The following IPO13 variants were observed in gnomAD, a reference collection of about 807,000 sequenced individuals.
The protein encoded by IPO13 is importin-13.
IPO13 carries 28 observed loss-of-function variants against 115.5 expected under a neutral mutation model. The ratio of observed to expected loss-of-function variants is 0.24; its 90% CI spans 0.18 to 0.33. IPO13 has a LOEUF of 0.33. Ranked by LOEUF, IPO13 falls within the 10% of genes least tolerant of loss-of-function variation. The probability of loss-of-function intolerance (pLI) is 1.00; values close to 1 mark genes in which losing one functional copy is unlikely to be tolerated. For synonymous variants in IPO13, 414 were observed against 478.9 expected, an observed-to-expected ratio of 0.86 and a Z score of 1.77; for missense variants, 785 against 1,204.6, an observed-to-expected ratio of 0.65 and a Z score of 5.16.
At chr1:43,964,389 A>G (rs1457819159) in intron 15 of IPO13, 68 bp downstream of exon 15, 2 of 1,290,946 alleles carry the variant, frequency 1.5e-6, no homozygotes, top group Non-Finnish European at 2.2e-6. Flanking sequence ...TTGAAATTCA[A>G]TTTAAGCCTA....
Position 43,964,326 on chromosome 1 carries a change from GT to G in IPO13, c.2397+9del. 6.3e-7 allele frequency: 1 copy of G among 1,591,480 alleles called. No homozygotes were observed. Among genetic ancestry groups the G allele is most frequent in the Non-Finnish European group, 8.6e-7 (1 of 1,159,992 alleles). On this transcript the variant is annotated splice_donor_region_variant and intron_variant, in intron 15 of 19. Coordinates refer to ENST00000372343, the MANE Select transcript of IPO13 (RefSeq NM_014652.4). ...TTTATGCAACTCCTGGCACAGGTGT[GT>G]TTTAGTTTTATTCATTCACGTTCTG...
chr1:43,966,875 TC>T lies in IPO13; in HGVS notation c.2524-53del. 2.5e-6 allele frequency: 4 copies of T among 1,608,996 alleles called. No homozygotes were observed. Among genetic ancestry groups the T allele is most frequent in the East Asian group, 2.2e-5 (1 of 44,846 alleles). The stretch of plus-strand genomic sequence containing the variant: ...GTAGGGCTGGGGTGTACAGGTCTTG[TC>T]CTCAGGGAGAGCTGGGAAGGAGCTG... On this transcript the variant is annotated intron_variant, in intron 17 of 19. Transcript: ENST00000372343. This position sits in a 1 kb window ranked among gnomAD's most constrained non-coding sequence, Gnocchi z 4.1.
At chr1:43,951,352 A>C (rs1245353647) in intron 2 of IPO13, among the ~76,000 whole-genome samples, 1 of 152,184 alleles carries the variant, frequency 6.6e-6, no homozygotes, top group Non-Finnish European at 1.5e-5. Context: ...AACCCAGAGG[A>C]GGCTTTCACT....
chr1:43,951,895 C>T (rs552789140), intron 2 of IPO13, among the ~76,000 whole-genome samples: 34 of 152,266 alleles, frequency 2.2e-4, no homozygotes, highest in South Asian at 6.2e-4. Flanking sequence ...TCCTAAGGCT[C>T]CGTTTCCTCA....
In IPO13 at chr1:43,958,762, A is replaced by G; in HGVS notation, c.1901A>G (p.Lys634Arg). The change falls in exon 11 of 20, where the codon AAG becomes AGG. Residue 634 changes from lysine (K) to arginine (R), a missense_variant. Lys to Arg is a conservative substitution (Grantham distance 26). This residue lies in a region of IPO13 where 175 missense variants were observed against 360.0 expected (regional missense o/e 0.49). Transcript: ENST00000372343. This position sits in a 1 kb window ranked among gnomAD's most constrained non-coding sequence, Gnocchi z 6.3. ...LAEEIPNPSN[K>R]LAIVHILGLL... Reference sequence around the variant, plus strand: ...TCCCTGCAGCCCAATCCCTCCAACAAGCTGGCCATTGTTCACATCTTGGGG... The same window carrying G: ...TCCCTGCAGCCCAATCCCTCCAACAGGCTGGCCATTGTTCACATCTTGGGG... 6.2e-7 allele frequency: 1 copy of G among 1,614,098 alleles called. No homozygotes were observed. Among genetic ancestry groups the G allele is most frequent in the Non-Finnish European group, 8.5e-7 (1 of 1,180,024 alleles).
rs2085215081 is a variant in IPO13 at position 43,952,357 on chromosome 1, A to G, written c.821+2204A>G. ...GCTAATTTTTGTATTTTTAGTAGAA[A>G]CGGGGTTTTGCCATGTTGGTCAGGC... is the stretch of plus-strand genomic sequence containing the variant. On this transcript the variant is annotated intron_variant, in intron 2 of 19. Coordinates refer to ENST00000372343, the MANE Select transcript of IPO13 (RefSeq NM_014652.4). This position sits in a 1 kb window ranked among gnomAD's most constrained non-coding sequence, Gnocchi z 4.7. 6.6e-6 allele frequency among the ~76,000 whole-genome samples: 1 copy of G among 152,080 alleles called. No homozygotes were observed.
intron 1 of IPO13, among the ~76,000 whole-genome samples, chr1:43,948,724 C>G (rs774527631): frequency 6.6e-6 from 1 of 152,228 alleles, no homozygotes; most frequent in African/African-American, 2.4e-5. Flanking sequence ...TTTCTTACTT[C>G]ATAAAGTCCC....
intron 1 of IPO13, among the ~76,000 whole-genome samples, chr1:43,948,494 T>C (rs951731077): frequency 2.6e-5 from 4 of 152,228 alleles, no homozygotes; most frequent in Non-Finnish European, 5.9e-5. Context: ...TAACAAACAA[T>C]GAGGATGCAT....
rs753207880 is a variant in IPO13 at position 43,949,582 on chromosome 1, A to G, written c.250A>G (p.Ile84Val). Residue 84 changes from isoleucine to valine, a missense_variant, in exon 2 of 20, where the codon ATC becomes GTC. Ile to Val is a conservative substitution (Grantham distance 29). Coordinates refer to ENST00000372343, the MANE Select transcript of IPO13 (RefSeq NM_014652.4). ...IQYFGASALH[I>V]KISRYWSDIP... is the part of the protein sequence containing the mutation. ...GTACTTTGGGGCCAGTGCTCTTCAC[A>G]TCAAGATCTCTCGCTACTGGAGTGA... 2 of 1,614,086 alleles carry G rather than the reference A, an allele frequency of 1.2e-6. No homozygotes were observed. Among genetic ancestry groups the G allele is most frequent in the Non-Finnish European group, 1.7e-6 (2 of 1,180,038 alleles).
In IPO13 at chr1:43,952,969, A is replaced by G. The variant is rs2085219120; in HGVS notation, c.821+2816A>G. The stretch of plus-strand genomic sequence containing the variant: ...AAGCTCAAGTGCTGGGTGGGCTCTG[A>G]CAGTTGGTGACTAAGGGAAACAGAT... On this transcript the variant is annotated intron_variant, in intron 2 of 19. Transcript: ENST00000372343. The surrounding 1 kb of genome is among the most constrained non-coding windows in gnomAD (Gnocchi z 4.7). Among the ~76,000 whole-genome samples the G allele has an allele frequency of 6.6e-6, 1 of 152,152 alleles. No individual in the cohort carries two copies.
rs987167542 is a variant in IPO13, at chr1:43,952,478, A to AT, written c.821+2332dup. Among the ~76,000 whole-genome samples, 12 of 152,148 alleles carry AT rather than the reference A, an allele frequency of 7.9e-5. No individual in the cohort carries two copies. Among genetic ancestry groups the AT allele is most frequent in the African/African-American group, 2.9e-4 (12 of 41,428 alleles). ...AGCCACCATGCCTGGCCAACTGTTC[A>AT]TTTTTTTAAAGAGAAACATAGTTAC... is the stretch of plus-strand genomic sequence containing the variant. On this transcript the variant is annotated intron_variant, in intron 2 of 19. Transcript: ENST00000372343. The surrounding 1 kb of genome is among the most constrained non-coding windows in gnomAD (Gnocchi z 4.7).
chr1:43,956,846 G>A lies in IPO13; in HGVS notation c.1141G>A (p.Val381Ile). 6.2e-7 allele frequency: 1 copy of A among 1,614,246 alleles called. No homozygotes were observed. The highest frequency in any genetic ancestry group is 8.5e-7 in the Non-Finnish European group (1 of 1,180,050). Reference protein sequence around the residue: ...ILSFEAEKQAVYQQVYRPVYF... With the variant: ...ILSFEAEKQAIYQQVYRPVYF... ...ATCCTTTGAGGCAGAGAAGCAGGCT[G>A]TATACCAGCAGGTGTACCGGCCAGT... is the stretch of plus-strand genomic sequence containing the variant. Residue 381 changes from valine to isoleucine, a missense_variant, in exon 5 of 20, where the codon GTA becomes ATA. Val to Ile is a conservative substitution (Grantham distance 29). Coordinates refer to ENST00000372343, the MANE Select transcript of IPO13 (RefSeq NM_014652.4). The surrounding 1 kb of genome is among the most constrained non-coding windows in gnomAD (Gnocchi z 4.7).
Position 43,967,286 on chromosome 1 carries a change from C to T in IPO13, c.2614-29C>T. On this transcript the variant is annotated intron_variant, in intron 18 of 19. Transcript: ENST00000372343. The surrounding 1 kb of genome is among the most constrained non-coding windows in gnomAD (Gnocchi z 6.1). ...CAGAAGCGGCGGAAGGGGCAACACC[C>T]TGGTGTGCTGAGAACCCCTCTCCCT... 6.2e-7 allele frequency: 1 copy of T among 1,604,898 alleles called. No individual in the cohort carries two copies.
At chr1:43,950,669 A>C (rs1330692773) in intron 2 of IPO13, among the ~76,000 whole-genome samples, 1 of 152,234 alleles carries the variant, frequency 6.6e-6, no homozygotes, top group African/African-American at 2.4e-5. Context: ...GGTGCTGCAC[A>C]GTATGGCATC....
chr1:43,947,990 G>A (rs1252477430), intron 1 of IPO13, among the ~76,000 whole-genome samples: 2 of 152,250 alleles, frequency 1.3e-5, no homozygotes, highest in African/African-American at 2.4e-5. Flanking sequence ...CATGAGCAGT[G>A]CAGTAGGAAA....
rs188125818 is a variant in IPO13, at chr1:43,961,707, A to G, written c.2344+445A>G. 2.0e-4 allele frequency among the ~76,000 whole-genome samples: 30 copies of G among 152,312 alleles called. 1 individual carries two copies. The highest frequency in any genetic ancestry group is 6.7e-4 in the African/African-American group (28 of 41,556). On this transcript the variant is annotated intron_variant, in intron 14 of 19. Transcript: ENST00000372343. The stretch of plus-strand genomic sequence containing the variant: ...TTACCTTTGCTGGGCCTTCATTTCC[A>G]TATCTGTGAAACGGAGATAACATAT...
rs763924857 is a variant in IPO13, at chr1:43,949,433, A to G, written c.101A>G (p.Tyr34Cys). Residue 34 changes from tyrosine (Y) to cysteine (C), a missense_variant, in exon 2 of 20, where the codon TAC (tyrosine) becomes TGC (cysteine). Tyr to Cys is a radical substitution (Grantham distance 194). Around this residue, in one of 3 missense-constraint regions of IPO13, gnomAD observed 325 missense variants for 449.8 expected, o/e 0.72. Transcript: ENST00000372343. ...ENVEKALHQL[Y>C]YDPNIENKNL... ...GTCCTGCAGGCGCTGCACCAGCTCT[A>G]CTATGATCCCAACATTGAGAATAAG... 6 of 1,609,670 alleles carry G rather than the reference A, an allele frequency of 3.7e-6. No homozygotes were observed. Among genetic ancestry groups the G allele is most frequent in the Admixed American group, 3.3e-5 (2 of 59,910 alleles).
chr1:43,961,644 A>G lies in IPO13; in HGVS notation c.2344+382A>G, dbSNP rs140749011. Among the ~76,000 whole-genome samples the G allele has an allele frequency of 4.6e-5, 7 of 152,292 alleles. No homozygotes were observed. The East Asian group carries it at 9.6e-4, about 21-fold the overall frequency. On this transcript the variant is annotated intron_variant, in intron 14 of 19. Transcript: ENST00000372343. ...TCAGCTAGACCTAGATTCTAAGTTC[A>G]TCACCACCAACTAGTTGTGTGTCCT... is the stretch of plus-strand genomic sequence containing the variant.
rs2085331292 is a variant in IPO13, at chr1:43,967,109, C to T, written c.2613+90C>T. The T allele has an allele frequency of 7.9e-7, 1 of 1,272,596 alleles. No homozygotes were observed. The highest frequency in any genetic ancestry group is 1.5e-5 in the African/African-American group (1 of 67,928). The allele number at this position is 1,272,596 out of a possible 1,614,324, so 78.8% of individuals were successfully genotyped here. A position where few individuals can be genotyped will look rare whatever the true frequency, so the allele number is the denominator to read the frequency against. ...TCTGGGAGGCTTGAGCCTTTGGTCC[C>T]CTAAGCTCTCAGATTCTGTTTCTTC... On this transcript the variant is annotated intron_variant, in intron 18 of 19. Coordinates refer to ENST00000372343, the MANE Select transcript of IPO13 (RefSeq NM_014652.4). The surrounding 1 kb of genome is among the most constrained non-coding windows in gnomAD (Gnocchi z 6.1).
Sources: gnomAD v4.1 joint callset for allele counts (sites outside exome capture counted in the v4.1 genomes callset) on GRCh38, gnomAD v4.1.1 for gene constraint, gnomAD v4.1.1 regional missense constraint, Gnocchi (gnomAD v3.1) non-coding constraint, MANE v1.5 for transcripts, NCBI Gene and HGNC (gene_info 2026-07-23, HGNC 2026-07-21) for gene names.